The following CSRNP3 variants were observed in gnomAD, a reference collection of about 807,000 sequenced individuals.
CSRNP3 encodes the protein cysteine/serine-rich nuclear protein 3.
A neutral mutation model predicts 48.0 loss-of-function variants in CSRNP3; 12 were observed. That is an observed-to-expected ratio of 0.25 (90% confidence interval 0.16 to 0.41). CSRNP3 has a LOEUF of 0.41. CSRNP3 is among the 10% of genes least tolerant of loss of function. The pLI is 1.00. For missense variants in CSRNP3, 580 were observed against 724.4 expected (o/e 0.80, Z 2.29); for synonymous variants, 263 against 269.7 (o/e 0.98, Z 0.24).
intron 3 of CSRNP3, among the ~76,000 whole-genome samples, chr2:165,581,903 C>T (rs1379509726): frequency 1.3e-5 from 2 of 152,150 alleles, no homozygotes; most frequent in Non-Finnish European, 1.5e-5. Flanking sequence ...AATTATGCCA[C>T]TTGTTAGTAG....
chr2:165,676,696 C>T (rs1687431935), intron 6 of CSRNP3, 88 bp downstream of exon 6: 3 of 1,252,070 alleles, frequency 2.4e-6, no homozygotes, highest in Non-Finnish European at 3.3e-6. Context: ...AATGAAGCTT[C>T]CCACATGTAA....
rs142904556 is a variant in CSRNP3, at chr2:165,670,119, T to G, written c.409-6193T>G. On this transcript the variant is annotated intron_variant, in intron 5 of 6. Transcript: ENST00000651982. ...TTATAGGTCAATGACTGTATCATGCTCTGTCCTATCTCAGGCCTTTGAAAC... is the reference window on the plus strand; with the variant it reads ...TTATAGGTCAATGACTGTATCATGCGCTGTCCTATCTCAGGCCTTTGAAAC... 6.4e-3 allele frequency among the ~76,000 whole-genome samples: 982 copies of G among 152,302 alleles called. 14 individuals are homozygous for G. The highest frequency in any genetic ancestry group is 0.023 in the African/African-American group (937 of 41,560).
chr2:165,559,993 GT>G (rs1685211491), intron 3 of CSRNP3, among the ~76,000 whole-genome samples: 1 of 151,706 alleles, frequency 6.6e-6, no homozygotes, highest in South Asian at 2.1e-4. Flanking sequence ...TAGAGACGGG[GT>G]TTCACCAAGT....
chr2:165,618,429 A>C (rs1240508337), intron 4 of CSRNP3, among the ~76,000 whole-genome samples: 1 of 152,202 alleles, frequency 6.6e-6, no homozygotes, highest in East Asian at 1.9e-4. Context: ...ATGTTATCTT[A>C]TTAACATAGC....
At position 165,685,540 on chromosome 2, in the gene CSRNP3, A is replaced by T. The variant is rs1293893082; in HGVS notation, c.*5787A>T. The T allele has an allele frequency of 6.6e-6, 1 of 152,110 alleles. No individual in the cohort carries two copies. Among genetic ancestry groups the T allele is most frequent in the Non-Finnish European group, 1.5e-5 (1 of 67,992 alleles). 9.4% of individuals were successfully genotyped at this position (152,110 alleles called of 1,614,324 possible). On this transcript the variant is annotated 3_prime_UTR_variant, in exon 7 of 7. Coordinates refer to ENST00000651982, the MANE Select transcript of CSRNP3 (RefSeq NM_001172173.2). ...GTTTACTTTTATATGTAGATTTTTT[A>T]AATATTCACATCTAGCCTGGAATTT...
At position 165,679,861 on chromosome 2, in the gene CSRNP3, G is replaced by T; in HGVS notation, c.*108G>T. 1.4e-6 allele frequency: 2 copies of T among 1,456,836 alleles called. No homozygotes were observed. Among genetic ancestry groups the T allele is most frequent in the South Asian group, 2.8e-5 (2 of 72,160 alleles). The allele number at this position is 1,456,836 out of a possible 1,614,324, so 90.2% of individuals were successfully genotyped here. ...AACTGAAGACCAAGAAAACTTGGAC[G>T]GTGGTTAATCTTCCAGACTGTATTT... On this transcript the variant is annotated 3_prime_UTR_variant, in exon 7 of 7. Transcript: ENST00000651982.
chr2:165,615,891 T>TA (rs1686232721), intron 4 of CSRNP3, among the ~76,000 whole-genome samples: 1 of 55,546 alleles, frequency 1.8e-5, no homozygotes, highest in Non-Finnish European at 4.7e-5. Flanking sequence ...TTGTGGGGTT[T>TA]TTTTTTTTTT....
intron 1 of CSRNP3, among the ~76,000 whole-genome samples, chr2:165,490,220 A>T (rs1346520068): frequency 6.6e-6 from 1 of 151,110 alleles, no homozygotes; most frequent in Non-Finnish European, 1.5e-5. Flanking sequence ...AGAATAAAAA[A>T]CCTAGGAATC....
chr2:165,574,215 G>A, intron 3 of CSRNP3: 3 of 586,562 alleles, frequency 5.1e-6, no homozygotes, highest in East Asian at 3.0e-5. Context: ...TTATGCAAAT[G>A]AGACCAGCTC....
intron 3 of CSRNP3, among the ~76,000 whole-genome samples, chr2:165,589,505 A>G (rs966616301): frequency 3.3e-5 from 5 of 152,240 alleles, no homozygotes; most frequent in Admixed American, 2.6e-4. Context: ...TGTTAAGAAT[A>G]TGACTCCCAG....
intron 4 of CSRNP3, among the ~76,000 whole-genome samples, chr2:165,646,856 A>G (rs1238429516): frequency 2.0e-5 from 3 of 152,228 alleles, no homozygotes; most frequent in East Asian, 1.9e-4. Context: ...AAAAAAAGAT[A>G]TAATATGAAG....
rs537778649 is a variant in CSRNP3, at chr2:165,539,850, A to C, written c.-24+21889A>C. 2.0e-5 allele frequency among the ~76,000 whole-genome samples: 3 copies of C among 152,202 alleles called. No individual in the cohort carries two copies. In the South Asian group the frequency reaches 6.2e-4, roughly 32 times the overall value. On this transcript the variant is annotated intron_variant, in intron 3 of 6. Coordinates refer to ENST00000651982, the MANE Select transcript of CSRNP3 (RefSeq NM_001172173.2). The stretch of plus-strand genomic sequence containing the variant: ...TGAATTATTTTAATTTTCATGTAAG[A>C]CTGATTTTTGCTAAGGGTGTTTGTT...
intron 3 of CSRNP3, among the ~76,000 whole-genome samples, chr2:165,545,402 G>A (rs1330042830): frequency 1.3e-5 from 2 of 152,154 alleles, no homozygotes; most frequent in African/African-American, 2.4e-5. Flanking sequence ...ATGCAGGAAA[G>A]TAAAAGAATT....
intron 2 of CSRNP3, among the ~76,000 whole-genome samples, chr2:165,517,633 A>C (rs1047061310): frequency 2.0e-5 from 3 of 151,988 alleles, no homozygotes; most frequent in African/African-American, 7.2e-5. Context: ...AAAACCAGAT[A>C]AATAAATGAG....
intron 3 of CSRNP3, among the ~76,000 whole-genome samples, chr2:165,551,025 C>A (rs771214697): frequency 5.9e-5 from 9 of 152,078 alleles, no homozygotes; most frequent in Non-Finnish European, 1.3e-4. Flanking sequence ...CTTTTCCTTA[C>A]CTTTTTCTAT....
At chr2:165,478,403 T>C (rs1259400972) in intron 1 of CSRNP3, among the ~76,000 whole-genome samples, 1 of 152,212 alleles carries the variant, frequency 6.6e-6, no homozygotes, top group Non-Finnish European at 1.5e-5. Flanking sequence ...CTCCCCCATG[T>C]TGTGCTTTTA....
intron 4 of CSRNP3, among the ~76,000 whole-genome samples, chr2:165,646,020 C>A (rs886448878): frequency 1.3e-5 from 2 of 152,102 alleles, no homozygotes; most frequent in African/African-American, 4.8e-5. Flanking sequence ...GCTGGGATAA[C>A]AGGCATGAGC....
chr2:165,643,385 A>G (rs1036378548), intron 4 of CSRNP3, among the ~76,000 whole-genome samples: 3 of 152,176 alleles, frequency 2.0e-5, no homozygotes, highest in Non-Finnish European at 2.9e-5. Context: ...TGCTTGCTAA[A>G]AACCAGTAGG....
At chr2:165,494,520 A>G (rs899694268) in intron 1 of CSRNP3, among the ~76,000 whole-genome samples, 1 of 152,078 alleles carries the variant, frequency 6.6e-6, no homozygotes, top group Non-Finnish European at 1.5e-5. Context: ...CAGCAAATAT[A>G]TTCATATTTT....
Sources: allele counts gnomAD v4.1 joint callset (sites outside exome capture counted in the v4.1 genomes callset), GRCh38; gene constraint gnomAD v4.1.1; transcripts MANE v1.5; gene names NCBI Gene and HGNC (gene_info 2026-07-23, HGNC 2026-07-21).